Variants in MKLN1 observed in about 807,000 individuals in gnomAD.
The protein encoded by MKLN1 is muskelin.
MKLN1 carries 18 observed loss-of-function variants against 99.0 expected under a neutral mutation model. That is an observed-to-expected ratio of 0.18 (90% CI 0.13 to 0.27). The LOEUF (loss-of-function observed/expected upper bound fraction) is 0.27. Among genes scored for constraint, MKLN1 ranks in the 10% least tolerant of loss-of-function variants. MKLN1 has a pLI of 1.00. For synonymous variants in MKLN1, 288 were observed against 293.2 expected (o/e 0.98, Z 0.18); for missense variants, 621 against 875.9 (o/e 0.71, Z 3.67).
intron 2 of MKLN1, among the ~76,000 whole-genome samples, chr7:131,172,991 A>G (rs1796238747): frequency 1.3e-5 from 2 of 152,250 alleles, no homozygotes; most frequent in Admixed American, 6.5e-5. Flanking sequence ...ATTTAAACAA[A>G]TGAAAATCAG....
At position 131,488,197 on chromosome 7, in the gene MKLN1, G is replaced by A. The variant is rs886835670; in HGVS notation, c.*469G>A. On this transcript the variant is annotated 3_prime_UTR_variant, in exon 18 of 18. Transcript: ENST00000352689. ...TTTGCCTCCCATCACACAACTGCGT[G>A]TAAATGGTGTCACTTGTTCACCTCT... The A allele has an allele frequency of 2.0e-5, 3 of 151,986 alleles. No homozygotes were observed. Among genetic ancestry groups the A allele is most frequent in the Non-Finnish European group, 4.4e-5 (3 of 68,052 alleles). 9.4% of individuals were successfully genotyped at this position (151,986 alleles called of 1,614,324 possible).
intron 2 of MKLN1, among the ~76,000 whole-genome samples, chr7:131,175,773 G>A (rs945454282): frequency 6.6e-6 from 1 of 152,236 alleles, no homozygotes; most frequent in South Asian, 2.1e-4. Context: ...GGTGGCACAC[G>A]CCTGTAGTCC....
chr7:131,229,965 A>C (rs1797217742), intron 3 of MKLN1, among the ~76,000 whole-genome samples: 1 of 152,176 alleles, frequency 6.6e-6, no homozygotes, highest in South Asian at 2.1e-4. Context: ...AATTATGTCA[A>C]AGAAATATAC....
chr7:131,143,141 A>T (rs190223205), intron 2 of MKLN1, among the ~76,000 whole-genome samples: 1 of 152,284 alleles, frequency 6.6e-6, no homozygotes, highest in East Asian at 1.9e-4. Flanking sequence ...GAGGAATTCC[A>T]TCCTTTCACA....
At chr7:131,381,219 CTTA>C (rs1203902695) in intron 2 of MKLN1, among the ~76,000 whole-genome samples, 1 of 152,088 alleles carries the variant, frequency 6.6e-6, no homozygotes, top group Non-Finnish European at 1.5e-5. Context: ...TGATCTAACC[CTTA>C]TTATGTCAAT....
chr7:131,200,309 C>T (rs1457886654), intron 2 of MKLN1, among the ~76,000 whole-genome samples: 2 of 152,160 alleles, frequency 1.3e-5, no homozygotes, highest in Non-Finnish European at 2.9e-5. Flanking sequence ...CCCTTCCTCA[C>T]TCCTAAACAA....
chr7:131,122,993 G>C (rs959322650), intron 1 of MKLN1, among the ~76,000 whole-genome samples: 2 of 134,510 alleles, frequency 1.5e-5, no homozygotes, highest in Non-Finnish European at 3.0e-5. Context: ...ACTGCAGTCC[G>C]GCCTGGGCGA....
chr7:131,142,947 T>C, intron 2 of MKLN1: 4 of 1,304,884 alleles, frequency 3.1e-6, no homozygotes, highest in Non-Finnish European at 3.0e-6. Flanking sequence ...ATTCGGTAAG[T>C]GTTGATGTTT....
intron 3 of MKLN1, among the ~76,000 whole-genome samples, chr7:131,211,644 A>G (rs1438307929): frequency 6.6e-6 from 1 of 150,562 alleles, no homozygotes; most frequent in Non-Finnish European, 1.5e-5. Flanking sequence ...TTAATTTTTT[A>G]GTCCCCAGAG....
Position 131,415,957 on chromosome 7 carries a change from C to G in MKLN1, c.847+1247C>G, listed in dbSNP as rs977596906. 1.6e-3 allele frequency among the ~76,000 whole-genome samples: 241 copies of G among 152,234 alleles called. 1 individual carries two copies. Among genetic ancestry groups the G allele is most frequent in the Non-Finnish European group, 1.8e-4 (12 of 68,010 alleles). On this transcript the variant is annotated intron_variant, in intron 8 of 17. Coordinates refer to ENST00000352689, the MANE Select transcript of MKLN1 (RefSeq NM_013255.5). ...GAAAATATTATTAAACACCCCTCCC[C>G]TGCCCAACCTTTTTTTAAAATAGAG...
intron 4 of MKLN1, among the ~76,000 whole-genome samples, chr7:131,391,116 A>G (rs1008941728): frequency 6.6e-6 from 1 of 151,984 alleles, no homozygotes; most frequent in Non-Finnish European, 1.5e-5. Flanking sequence ...AAAAGGCCGT[A>G]TGTTAGGTCA....
At chr7:131,119,590 C>T (rs1174077694) in intron 1 of MKLN1, among the ~76,000 whole-genome samples, 1 of 152,216 alleles carries the variant, frequency 6.6e-6, no homozygotes, top group African/African-American at 2.4e-5. Flanking sequence ...GGCTCTATTT[C>T]CACAGCAGAC....
At chr7:131,143,912 A>G (rs1795777883) in intron 2 of MKLN1, among the ~76,000 whole-genome samples, 1 of 152,228 alleles carries the variant, frequency 6.6e-6, no homozygotes, top group Non-Finnish European at 1.5e-5. Flanking sequence ...ATAATGCAGG[A>G]CATGTGTAGT....
intron 1 of MKLN1, among the ~76,000 whole-genome samples, chr7:131,140,974 T>C (rs1220139721): frequency 6.6e-6 from 1 of 152,038 alleles, no homozygotes; most frequent in Non-Finnish European, 1.5e-5. Flanking sequence ...TTAGTAGAGA[T>C]GGGGCTTCAC....
chr7:131,417,254 C>T (rs1431391617), intron 8 of MKLN1, among the ~76,000 whole-genome samples: 1 of 152,138 alleles, frequency 6.6e-6, no homozygotes, highest in African/African-American at 2.4e-5. Context: ...TTTAGAAATA[C>T]ACTTTTAAGC....
rs1440280883 is a variant in MKLN1, at chr7:131,466,562, T to C, written c.1928+147T>C. The stretch of plus-strand genomic sequence containing the variant: ...TTCCACTTATTTTTGCTTTCGTTTT[T>C]CAAAAGAAGATACAAAATACAGATA... On this transcript the variant is annotated intron_variant, in intron 15 of 17. Coordinates refer to ENST00000352689, the MANE Select transcript of MKLN1 (RefSeq NM_013255.5). 1.4e-5 allele frequency: 7 copies of C among 510,852 alleles called. No homozygotes were observed. In the East Asian group the frequency reaches 2.4e-4, roughly 18 times the overall value. 31.6% of individuals were successfully genotyped at this position (510,852 alleles called of 1,614,324 possible).
chr7:131,445,897 G>A lies in MKLN1; in HGVS notation c.1519G>A (p.Gly507Arg), dbSNP rs1190596294. The change falls in exon 12 of 18, where the codon GGG becomes AGG. Residue 507 changes from glycine to arginine, a missense_variant. Gly to Arg is a moderately radical substitution (Grantham distance 125). Coordinates refer to ENST00000352689, the MANE Select transcript of MKLN1 (RefSeq NM_013255.5). ...ATCAGATGGCACCAAGAAAGACTCT[G>A]GGATGGGTAAGGGCATTGAGTGATT... ...IISDGTKKDSGMVPMTGFTQR... is the reference protein window; with the variant it reads ...IISDGTKKDSRMVPMTGFTQR... The A allele has an allele frequency of 1.3e-6, 2 of 1,596,472 alleles. No individual in the cohort carries two copies. The highest frequency in any genetic ancestry group is 1.7e-6 in the Non-Finnish European group (2 of 1,169,274).
chr7:131,391,306 A>G (rs1021577653), intron 4 of MKLN1, among the ~76,000 whole-genome samples: 3 of 152,196 alleles, frequency 2.0e-5, no homozygotes, highest in Admixed American at 2.0e-4. Context: ...GACATGTTTG[A>G]AAGATCTTGC....
intron 3 of MKLN1, among the ~76,000 whole-genome samples, chr7:131,230,082 C>A (rs1797219725): frequency 6.6e-6 from 1 of 152,196 alleles, no homozygotes; most frequent in African/African-American, 2.4e-5. Context: ...TTTTTAAAAA[C>A]CCATTTAACA....
Sources: allele counts gnomAD v4.1 joint callset (sites outside exome capture counted in the v4.1 genomes callset), GRCh38; gene constraint gnomAD v4.1.1; transcripts MANE v1.5; gene names NCBI Gene and HGNC (gene_info 2026-07-23, HGNC 2026-07-21).